Variants in AGBL4 observed in about 807,000 individuals in gnomAD.
AGBL4 encodes AGBL carboxypeptidase 4.
AGBL4 carries 58 observed loss-of-function variants against 66.4 expected under a neutral mutation model. That is an observed-to-expected ratio of 0.87 (90% CI 0.71 to 1.09). The LOEUF (loss-of-function observed/expected upper bound fraction) is 1.09, where lower values mean the gene tolerates loss of function less well. Among genes scored for constraint, AGBL4 ranks in the 50% least tolerant of loss-of-function variants. The pLI is 0.00. For synonymous variants in AGBL4, 234 were observed against 222.9 expected (o/e 1.05, Z -0.44); for missense variants, 579 against 631.0 (o/e 0.92, Z 0.88).
At chr1:48,541,502 T>C (rs1473158601) in intron 11 of AGBL4, among the ~76,000 whole-genome samples, 1 of 152,252 alleles carries the variant, frequency 6.6e-6, no homozygotes, top group Non-Finnish European at 1.5e-5. Flanking sequence ...GTGGGTGCAG[T>C]GGCTCACGCC....
intron 3 of AGBL4, among the ~76,000 whole-genome samples, chr1:49,517,087 A>T (rs1283266958): frequency 6.6e-6 from 1 of 151,968 alleles, no homozygotes; most frequent in African/African-American, 2.4e-5. Context: ...CTGGGTGGGG[A>T]AGGCAGCTGA....
chr1:49,369,190 C>T (rs560659120), intron 3 of AGBL4, among the ~76,000 whole-genome samples: 1 of 152,314 alleles, frequency 6.6e-6, no homozygotes, highest in Non-Finnish European at 1.5e-5. Context: ...AAGACTACTG[C>T]TCCTTCACTA....
At chr1:49,135,639 G>C (rs186954013) in intron 4 of AGBL4, among the ~76,000 whole-genome samples, 29 of 152,282 alleles carry the variant, frequency 1.9e-4, no homozygotes, top group Admixed American at 1.6e-3. Flanking sequence ...GAATAGGTTG[G>C]GCTAGTTAAC....
intron 5 of AGBL4, among the ~76,000 whole-genome samples, chr1:48,878,246 T>C (rs1187946785): frequency 6.6e-6 from 1 of 152,096 alleles, no homozygotes; most frequent in South Asian, 2.1e-4. Flanking sequence ...GACTCAGCAA[T>C]TGTACAAAGT....
intron 3 of AGBL4, among the ~76,000 whole-genome samples, chr1:49,607,866 G>T (rs550617403): frequency 6.6e-6 from 1 of 152,214 alleles, no homozygotes; most frequent in African/African-American, 2.4e-5. Context: ...GCATGATTAT[G>T]TATTTGTGTC....
chr1:49,418,831 T>G lies in AGBL4; in HGVS notation c.283-172967A>C, dbSNP rs12047918. On this transcript the variant is annotated intron_variant, in intron 3 of 13. Transcript: ENST00000371839. ...CGGCATGGTAGGCCTTGTAAGGAAT[T>G]TCTCTTTGTCCCAAGTATAATGGGA... is the stretch of plus-strand genomic sequence containing the variant. Among the ~76,000 whole-genome samples, 104 of 152,334 alleles carry G rather than the reference T, an allele frequency of 6.8e-4. 2 individuals carry two copies. In the East Asian group the frequency reaches 0.018, roughly 27 times the overall value.
chr1:49,933,993 A>T (rs994033707), intron 1 of AGBL4, among the ~76,000 whole-genome samples: 2 of 152,160 alleles, frequency 1.3e-5, no homozygotes, highest in African/African-American at 4.8e-5. Flanking sequence ...AGATCCAAGT[A>T]TATGTTGTCT....
chr1:49,134,637 G>T (rs1311202348), intron 4 of AGBL4, among the ~76,000 whole-genome samples: 2 of 151,776 alleles, frequency 1.3e-5, no homozygotes, highest in African/African-American at 2.4e-5. Flanking sequence ...AGACCTAATG[G>T]TTATCTCCCT....
intron 5 of AGBL4, among the ~76,000 whole-genome samples, chr1:48,961,889 A>G (rs1049945119): frequency 1.3e-5 from 2 of 152,222 alleles, no homozygotes; most frequent in African/African-American, 4.8e-5. Flanking sequence ...ATCCAGGTCC[A>G]CAGCGGGGAA....
chr1:48,974,852 C>T (rs1659188196), intron 5 of AGBL4, among the ~76,000 whole-genome samples: 1 of 152,070 alleles, frequency 6.6e-6, no homozygotes, highest in South Asian at 2.1e-4. Flanking sequence ...TTTTCAAAGA[C>T]CACAGGAAAC....
At chr1:48,840,796 C>A (rs904786002) in intron 6 of AGBL4, among the ~76,000 whole-genome samples, 1 of 152,274 alleles carries the variant, frequency 6.6e-6, no homozygotes, top group Admixed American at 6.5e-5. Context: ...CACACAAAAA[C>A]CTGTAAAAGA....
intron 4 of AGBL4, among the ~76,000 whole-genome samples, chr1:49,061,744 T>G (rs377471415): frequency 5.3e-5 from 8 of 152,182 alleles, no homozygotes; most frequent in South Asian, 4.1e-4. Context: ...GTCAAGACAG[T>G]TGTGATTCTT....
At chr1:48,896,477 A>T (rs1651521182) in intron 5 of AGBL4, among the ~76,000 whole-genome samples, 1 of 152,236 alleles carries the variant, frequency 6.6e-6, no homozygotes, top group Non-Finnish European at 1.5e-5. Flanking sequence ...TAGCTTAATT[A>T]TAATCTTATT....
intron 4 of AGBL4, among the ~76,000 whole-genome samples, chr1:49,171,464 A>G (rs912703900): frequency 2.6e-5 from 4 of 152,220 alleles, no homozygotes; most frequent in African/African-American, 9.6e-5. Flanking sequence ...TTTAGAGTAG[A>G]AACAGATTAA....
At chr1:48,534,939 G>A (rs191515007) in intron 12 of AGBL4, 23 bp from the exon 13 acceptor site, 1 of 1,549,878 alleles carries the variant, frequency 6.5e-7, no homozygotes, top group South Asian at 1.2e-5. Context: ...AAAAATTCAT[G>A]TCCTTCCTGC....
intron 3 of AGBL4, among the ~76,000 whole-genome samples, chr1:49,506,646 T>A (rs1326416447): frequency 6.6e-6 from 1 of 152,098 alleles, no homozygotes; most frequent in East Asian, 1.9e-4. Context: ...CAATTAAACC[T>A]CTTTTCTTTA....
chr1:49,684,840 C>T (rs1646758039), intron 3 of AGBL4, among the ~76,000 whole-genome samples: 1 of 152,072 alleles, frequency 6.6e-6, no homozygotes, highest in Non-Finnish European at 1.5e-5. Flanking sequence ...TCTTTAAAAC[C>T]TACTTTTATC....
intron 6 of AGBL4, among the ~76,000 whole-genome samples, chr1:48,714,947 C>T (rs1418235564): frequency 6.6e-6 from 1 of 152,194 alleles, no homozygotes; most frequent in Non-Finnish European, 1.5e-5. Flanking sequence ...AGGAAACTTA[C>T]AGTTTAGCTG....
At chr1:49,845,470 C>G (rs560952650) in intron 2 of AGBL4, 2 of 1,546,178 alleles carry the variant, frequency 1.3e-6, no homozygotes, top group Admixed American at 3.4e-5. Flanking sequence ...CCAGCACCTG[C>G]GAATCCACAC....
Sources: allele counts gnomAD v4.1 joint callset (sites outside exome capture counted in the v4.1 genomes callset), GRCh38; gene constraint gnomAD v4.1.1; transcripts MANE v1.5; gene names NCBI Gene and HGNC (gene_info 2026-07-23, HGNC 2026-07-21).